PDE8B: variants seen among roughly 807,000 people sequenced by gnomAD.
The protein encoded by PDE8B is phosphodiesterase 8B.
PDE8B carries 26 observed loss-of-function variants against 101.3 expected under a neutral mutation model. The observed-to-expected ratio is 0.26, with a 90% CI of 0.19 to 0.36. The LOEUF (loss-of-function observed/expected upper bound fraction) is 0.36, where lower values mean the gene tolerates loss of function less well. Among genes scored for constraint, PDE8B ranks in the 10% least tolerant of loss-of-function variants. PDE8B has a pLI of 1.00. For missense variants in PDE8B, 810 were observed against 1,163.1 expected (o/e 0.70, Z 4.42); for synonymous variants, 424 against 429.3 (o/e 0.99, Z 0.15).
intron 1 of PDE8B, among the ~76,000 whole-genome samples, chr5:77,244,050 T>TCCACCA (rs199522966): frequency 6.6e-5 from 10 of 151,392 alleles, no homozygotes; most frequent in African/African-American, 2.4e-4. Flanking sequence ...AAGAAGACAC[T>TCCACCA]CCACCACCAC....
the PDE8B span, among the ~76,000 whole-genome samples, chr5:77,197,052 T>C: frequency 6.6e-6 from 1 of 152,088 alleles, no homozygotes; most frequent in African/African-American, 2.4e-5. Context: ...ATTTTTATCT[T>C]TGTTTATTGA....
chr5:77,120,293 A>T, the PDE8B span, among the ~76,000 whole-genome samples: 1 of 152,246 alleles, frequency 6.6e-6, no homozygotes, highest in Admixed American at 6.5e-5. Context: ...GACAGAGAGC[A>T]GGCATGAGGG....
intron 1 of PDE8B, among the ~76,000 whole-genome samples, chr5:77,225,875 CACACA>C (rs1394481857): frequency 7.2e-6 from 1 of 138,786 alleles, no homozygotes; most frequent in African/African-American, 3.0e-5. Flanking sequence ...CACACACACA[CACACA>C]CCCCACGCAC....
chr5:77,414,832 A>G (rs184850378), intron 17 of PDE8B, among the ~76,000 whole-genome samples: 49 of 123,526 alleles, frequency 4.0e-4, no homozygotes, highest in African/African-American at 1.3e-3. Context: ...AAGGTGATCA[A>G]TAGCCTCTGC....
chr5:77,315,568 C>A (rs1363782799), intron 2 of PDE8B, among the ~76,000 whole-genome samples: 1 of 152,154 alleles, frequency 6.6e-6, no homozygotes, highest in Non-Finnish European at 1.5e-5. Flanking sequence ...GACAGAGGGT[C>A]CTATTTACAT....
chr5:77,380,521 A>G (rs896105123), intron 10 of PDE8B, among the ~76,000 whole-genome samples: 1 of 152,234 alleles, frequency 6.6e-6, no homozygotes, highest in Non-Finnish European at 1.5e-5. Flanking sequence ...GAAACACTGT[A>G]AATTAGTATT....
intron 3 of PDE8B, among the ~76,000 whole-genome samples, chr5:77,326,864 T>G (rs1776148583): frequency 6.6e-6 from 1 of 152,228 alleles, no homozygotes; most frequent in Non-Finnish European, 1.5e-5. Flanking sequence ...TATAATCACT[T>G]AAGATAAGCT....
chr5:77,148,990 A>C, the PDE8B span, among the ~76,000 whole-genome samples: 1 of 152,156 alleles, frequency 6.6e-6, no homozygotes, highest in South Asian at 2.1e-4. Flanking sequence ...GAAGTTTTGC[A>C]GTTTTAACTC....
chr5:77,335,535 GTGT>G (rs1777991382), intron 5 of PDE8B, among the ~76,000 whole-genome samples: 1 of 64,370 alleles, frequency 1.6e-5, no homozygotes, highest in South Asian at 4.0e-4. Context: ...TATGTGGGGT[GTGT>G]GTGTGTGTGT....
chr5:77,097,721 A>ATATATATATATCTATATATATATATC, the PDE8B span, among the ~76,000 whole-genome samples: 1 of 30,758 alleles, frequency 3.3e-5, no homozygotes, highest in African/African-American at 6.1e-5. Context: ...ATATATATAT[A>ATATATATATATCTATATATATATATC]TATATATATA....
chr5:77,100,612 A>G, the PDE8B span, among the ~76,000 whole-genome samples: 3 of 152,226 alleles, frequency 2.0e-5, no homozygotes, highest in Non-Finnish European at 4.4e-5. Flanking sequence ...CAACCCTTGT[A>G]CAGAGAGCCT....
intron 1 of PDE8B, among the ~76,000 whole-genome samples, chr5:77,259,409 C>G (rs560792171): frequency 1.3e-5 from 2 of 152,300 alleles, no homozygotes; most frequent in African/African-American, 4.8e-5. Flanking sequence ...CAGCTCCCAT[C>G]TCTGTGGTAC....
At chr5:77,180,109 G>A in the PDE8B span, among the ~76,000 whole-genome samples, 1 of 152,060 alleles carries the variant, frequency 6.6e-6, no homozygotes, top group Non-Finnish European at 1.5e-5. Context: ...TGAGTCCCAA[G>A]AAAGGCTCCA....
Position 77,247,584 on chromosome 5 carries a change from A to G in PDE8B, c.339+36320A>G, listed in dbSNP as rs550321889. On this transcript the variant is annotated intron_variant, in intron 1 of 21. Transcript: ENST00000264917. ...ATCACTTTTATGCAGCAGGTACCAC[A>G]TGCCAGGCCTCGGGCTGGGGCTCTG... is the stretch of plus-strand genomic sequence containing the variant. Among the ~76,000 whole-genome samples, 200 of 152,238 alleles carry G rather than the reference A, an allele frequency of 1.3e-3. 1 individual carries two copies. Among genetic ancestry groups the G allele is most frequent in the African/African-American group, 4.6e-3 (192 of 41,530 alleles).
the PDE8B span, among the ~76,000 whole-genome samples, chr5:77,163,376 AAT>A: frequency 6.6e-6 from 1 of 152,248 alleles, no homozygotes; most frequent in South Asian, 2.1e-4. Flanking sequence ...CAGTTGAAGT[AAT>A]AGACAAGAAC....
intron 1 of PDE8B, among the ~76,000 whole-genome samples, chr5:77,259,371 G>T (rs569091366): frequency 1.9e-4 from 29 of 152,032 alleles, no homozygotes; most frequent in African/African-American, 7.0e-4. Flanking sequence ...CTATCTTCTT[G>T]CCCTCTCCCT....
intron 1 of PDE8B, among the ~76,000 whole-genome samples, chr5:77,225,810 CA>C (rs1317638760): frequency 2.0e-5 from 3 of 151,552 alleles, no homozygotes; most frequent in Non-Finnish European, 4.4e-5. Context: ...TTAACATCAT[CA>C]TGATAATTCC....
intron 2 of PDE8B, among the ~76,000 whole-genome samples, chr5:77,318,070 A>C (rs1482778150): frequency 2.0e-5 from 3 of 151,046 alleles, no homozygotes; most frequent in Non-Finnish European, 3.0e-5. Context: ...AAAAAAAAAA[A>C]AAAAAAACAC....
At chr5:77,398,513 G>T (rs1001331738) in intron 10 of PDE8B, among the ~76,000 whole-genome samples, 13 of 151,954 alleles carry the variant, frequency 8.6e-5, no homozygotes, top group African/African-American at 3.1e-4. Context: ...GTAGAGAGGG[G>T]GTTTCACCAT....
Sources: allele counts gnomAD v4.1 joint callset (sites outside exome capture counted in the v4.1 genomes callset), GRCh38; gene constraint gnomAD v4.1.1; transcripts MANE v1.5; gene names NCBI Gene and HGNC (gene_info 2026-07-23, HGNC 2026-07-21).